MEGF6: variants seen among roughly 807,000 people sequenced by gnomAD.
MEGF6 encodes multiple epidermal growth factor-like domains protein 6.
In MEGF6, 184 loss-of-function variants were observed where a neutral mutation model predicts 207.1. That is an observed-to-expected ratio of 0.89 (90% CI 0.79 to 1.00). The LOEUF (loss-of-function observed/expected upper bound fraction) is 1.00. Ranked by LOEUF, MEGF6 falls within the 50% of genes least tolerant of loss-of-function variation. The pLI, the probability that MEGF6 is intolerant of heterozygous loss-of-function variation, is 0.00. For missense variants in MEGF6, 2,282 were observed against 2,202.9 expected (o/e 1.04, Z -0.72); for synonymous variants, 1,038 against 910.0 (o/e 1.14, Z -2.53).
Position 3,501,776 on chromosome 1 carries a change from G to C in MEGF6, c.2314+20C>G. On this transcript the variant is annotated intron_variant, in intron 18 of 36. Transcript: ENST00000356575. The stretch of plus-strand genomic sequence containing the variant: ...CGTGCAGCCTGGGGAGGCGGAACTG[G>C]GGCTGCGGCTGACACTCACCTGCCT... 1.9e-6 allele frequency: 3 copies of C among 1,608,752 alleles called. No individual in the cohort carries two copies. The highest frequency in any genetic ancestry group is 2.5e-6 in the Non-Finnish European group (3 of 1,178,210).
At chr1:3,617,580 A>G in the MEGF6 span, among the ~76,000 whole-genome samples, 95 of 152,272 alleles carry the variant, frequency 6.2e-4, no homozygotes, top group Middle Eastern at 3.4e-3. Context: ...CACGGCACAC[A>G]TTTACCTGTG....
At chr1:3,596,618 C>T (rs1365311196) in intron 2 of MEGF6, among the ~76,000 whole-genome samples, 3 of 97,760 alleles carry the variant, frequency 3.1e-5, no homozygotes, top group South Asian at 8.2e-4. Context: ...GGGCACCCTG[C>T]GCCATCCCCT....
At chr1:3,493,117 G>A (rs1640440953) in intron 34 of MEGF6, 3 of 317,734 alleles carry the variant, frequency 9.4e-6, no homozygotes, top group Non-Finnish European at 1.2e-5. Flanking sequence ...GAGCCACAAG[G>A]CCAGGTAAGC....
intron 3 of MEGF6, among the ~76,000 whole-genome samples, chr1:3,587,687 A>G (rs1643911004): frequency 6.6e-6 from 1 of 152,354 alleles, no homozygotes; most frequent in Middle Eastern, 3.4e-3. Flanking sequence ...AGACAGGATC[A>G]TGCTCATGCG....
intron 3 of MEGF6, among the ~76,000 whole-genome samples, chr1:3,583,885 C>CACAGCCACCAGACAAT (rs1250686303): frequency 4.6e-5 from 2 of 43,678 alleles, no homozygotes; most frequent in Non-Finnish European, 1.1e-4. Flanking sequence ...CACCAGACAA[C>CACAGCCACCAGACAAT]GCGCAGCCAC....
At chr1:3,571,065 G>T (rs756146103) in intron 4 of MEGF6, among the ~76,000 whole-genome samples, 9 of 152,158 alleles carry the variant, frequency 5.9e-5, no homozygotes, top group Non-Finnish European at 1.0e-4. Context: ...CCCATTAACT[G>T]TGAGCACAGA....
intron 4 of MEGF6, among the ~76,000 whole-genome samples, chr1:3,563,103 G>A (rs936667213): frequency 1.3e-5 from 2 of 152,164 alleles, no homozygotes; most frequent in African/African-American, 4.8e-5. Context: ...TGCCTGCTCT[G>A]TTGAGCAGCC....
chr1:3,531,595 ACC>A, intron 4 of MEGF6: 1 of 702,094 alleles, frequency 1.4e-6, no homozygotes, highest in Non-Finnish European at 1.8e-6. Flanking sequence ...GCGCTCCCGG[ACC>A]CGGACGCAGA....
chr1:3,620,452 C>A, the MEGF6 span, among the ~76,000 whole-genome samples: 80 of 152,312 alleles, frequency 5.3e-4, 1 homozygote, highest in South Asian at 0.016. Flanking sequence ...CCAGGCGGAG[C>A]CCGTAGGTGT....
At chr1:3,509,010 G>A (rs1641225240) in intron 12 of MEGF6, 65 bp downstream of exon 12, 1 of 1,439,564 alleles carries the variant, frequency 6.9e-7, no homozygotes, top group Non-Finnish European at 9.2e-7. Context: ...TGGCAGCCTA[G>A]CCCGAGGGGT....
intron 7 of MEGF6, among the ~76,000 whole-genome samples, chr1:3,512,626 G>A (rs1329155453): frequency 6.6e-6 from 1 of 152,154 alleles, no homozygotes; most frequent in Non-Finnish European, 1.5e-5. Flanking sequence ...TTTTAAAAAC[G>A]GGAGTTTCCC....
intron 4 of MEGF6, among the ~76,000 whole-genome samples, chr1:3,562,934 G>A (rs1038178816): frequency 3.9e-5 from 6 of 152,106 alleles, no homozygotes; most frequent in Non-Finnish European, 7.4e-5. Flanking sequence ...CAGGAAGGAC[G>A]GTGGGCTGTC....
Position 3,500,486 on chromosome 1 carries a change from C to T in MEGF6, c.2707+147G>A, listed in dbSNP as rs369123628. On this transcript the variant is annotated intron_variant, in intron 21 of 36. Coordinates refer to ENST00000356575, the MANE Select transcript of MEGF6 (RefSeq NM_001409.4). ...GCCTGCACGTTTTGGTGGGTGTGTG[C>T]GCGCACAGGAGGGGGCGCGGCCAAA... 491 of 1,201,532 alleles carry T rather than the reference C, an allele frequency of 4.1e-4. 2 individuals are homozygous for T. The African/African-American group carries it at 5.2e-3, about 13-fold the overall frequency. The allele number at this position is 1,201,532 out of a possible 1,614,324, so 74.4% of individuals were successfully genotyped here.
At chr1:3,575,608 A>G (rs113253193) in intron 4 of MEGF6, among the ~76,000 whole-genome samples, 2,721 of 140,158 alleles carry the variant, frequency 0.019, 44 homozygotes, top group Admixed American at 0.054. Context: ...CAATCATGGC[A>G]GAAGGCAAGG....
intron 2 of MEGF6, among the ~76,000 whole-genome samples, chr1:3,598,355 C>G (rs544442437): frequency 2.0e-5 from 3 of 152,318 alleles, no homozygotes; most frequent in Admixed American, 2.0e-4. Flanking sequence ...TGCTCATGCA[C>G]GCGCACTGCA....
chr1:3,495,937 C>T lies in MEGF6; in HGVS notation c.3824G>A (p.Gly1275Asp). The T allele has an allele frequency of 1.9e-6, 3 of 1,594,992 alleles. No homozygotes were observed. The highest frequency in any genetic ancestry group is 1.3e-5 in the African/African-American group (1 of 74,972). ...TCTCCCCGGGGGGCAGAGGCAGGTG[C>T]CGGTCACAGGGTCGCAGGCCGCCCC... ...GQGAACDPVT[G>D]TCLCPPGRAG... The change falls in exon 30 of 37, where the codon GGC becomes GAC. Residue 1275 changes from glycine (G) to aspartate (D), a missense_variant. Transcript: ENST00000356575.
Position 3,493,898 on chromosome 1 carries a change from C to A in MEGF6, c.4260G>T (p.Gly1420=). 6 of 1,590,202 alleles carry A rather than the reference C, an allele frequency of 3.8e-6. No individual in the cohort carries two copies. Among genetic ancestry groups the A allele is most frequent in the Non-Finnish European group, 5.1e-6 (6 of 1,168,904 alleles). The change falls in exon 34 of 37, where the codon GGG becomes GGT. Residue 1420 remains glycine, a splice_region_variant and synonymous_variant. Coordinates refer to ENST00000356575, the MANE Select transcript of MEGF6 (RefSeq NM_001409.4). ...CCTCTCCAAATGAACCTGGCTCACA[C>A]CCTGGTGGGGGCAGTGGGCTCAGTG... The part of the protein sequence containing the change: ...AGFHGHFCER[G]CEPGSFGEGC...
chr1:3,532,583 T>A (rs1407094389), intron 4 of MEGF6, among the ~76,000 whole-genome samples: 5 of 152,234 alleles, frequency 3.3e-5, no homozygotes, highest in African/African-American at 1.2e-4. Flanking sequence ...GAAGTGTCCC[T>A]GGAGCTCAGC....
chr1:3,536,095 T>A (rs1642319900), intron 4 of MEGF6, among the ~76,000 whole-genome samples: 1 of 152,150 alleles, frequency 6.6e-6, no homozygotes, highest in Admixed American at 6.5e-5. Flanking sequence ...TGAACGAGCC[T>A]TCCCTGGCAG....
Sources: gnomAD v4.1 joint callset for allele counts (sites outside exome capture counted in the v4.1 genomes callset) on GRCh38, gnomAD v4.1.1 for gene constraint, MANE v1.5 for transcripts, NCBI Gene and HGNC (gene_info 2026-07-23, HGNC 2026-07-21) for gene names.